The following ADAMTS17 variants were observed in gnomAD, a reference collection of about 807,000 sequenced individuals.
ADAMTS17 encodes the protein ADAM metallopeptidase with thrombospondin type 1 motif 17, also known as A disintegrin and metalloproteinase with thrombospondin motifs 17.
In ADAMTS17, 113 loss-of-function variants were observed where a neutral mutation model predicts 141.5. The ratio of observed to expected loss-of-function variants is 0.80; its 90% CI spans 0.69 to 0.93. The LOEUF (loss-of-function observed/expected upper bound fraction) is 0.93, where lower values mean the gene tolerates loss of function less well. ADAMTS17 is among the 40% of genes least tolerant of loss of function. The probability of loss-of-function intolerance (pLI) is 0.00; values close to 1 mark genes in which losing one functional copy is unlikely to be tolerated. For missense variants in ADAMTS17, 1,659 were observed against 1,517.9 expected, an observed-to-expected ratio of 1.09 and a Z score of -1.54; for synonymous variants, 768 against 630.6, an observed-to-expected ratio of 1.22 and a Z score of -3.27.
Position 100,254,179 on chromosome 15 carries a change from C to T in ADAMTS17, c.1032G>A (p.Arg344=). 6.2e-7 allele frequency: 1 copy of T among 1,613,244 alleles called. No individual in the cohort carries two copies. Among genetic ancestry groups the T allele is most frequent in the South Asian group, 1.1e-5 (1 of 91,050 alleles). The change falls in exon 7 of 22, where the codon AGG becomes AGA. Residue 344 remains arginine, a splice_region_variant and synonymous_variant. Coordinates refer to ENST00000268070, the MANE Select transcript of ADAMTS17 (RefSeq NM_139057.4). ...PLVDAAVFVT[R]TDFCVHKDEP... ...CATCCTTGTGTACACAGAAATCTGT[C>T]CTAAAAAATAAAAAAGCCATCATCA...
intron 10 of ADAMTS17, among the ~76,000 whole-genome samples, chr15:100,146,084 A>T (rs1695008985): frequency 6.6e-6 from 1 of 152,216 alleles, no homozygotes; most frequent in Non-Finnish European, 1.5e-5. Context: ...GAGACAGGAG[A>T]ATCACTTGAA....
intron 8 of ADAMTS17, among the ~76,000 whole-genome samples, chr15:100,167,182 T>C (rs1377613197): frequency 6.6e-6 from 1 of 152,222 alleles, no homozygotes; most frequent in African/African-American, 2.4e-5. Context: ...CCTGATTGGC[T>C]AACTTGAGGT....
intron 3 of ADAMTS17, among the ~76,000 whole-genome samples, chr15:100,298,206 T>C (rs530666841): frequency 1.2e-4 from 19 of 152,156 alleles, no homozygotes; most frequent in African/African-American, 4.6e-4. Context: ...AAGGGAAGAT[T>C]TCCTTGAAAT....
chr15:100,293,582 T>A (rs1206899917), intron 3 of ADAMTS17, among the ~76,000 whole-genome samples: 1 of 151,982 alleles, frequency 6.6e-6, no homozygotes, highest in African/African-American at 2.4e-5. Context: ...TGCCCCAGGA[T>A]CCCCCAGCCA....
In ADAMTS17 at chr15:99,977,777, C is replaced by T. The variant is rs149956351; in HGVS notation, c.2950-1555G>A. 2.0e-3 allele frequency among the ~76,000 whole-genome samples: 304 copies of T among 152,148 alleles called. 4 individuals are homozygous for T. The East Asian group carries it at 0.032, about 16-fold the overall frequency. On this transcript the variant is annotated intron_variant, in intron 20 of 21. Transcript: ENST00000268070. ...ACTGGCCAGGTATCTGAGTCCTCTA[C>T]TCAGATTCTGCTCTTGAGCTTTTCG...
intron 10 of ADAMTS17, among the ~76,000 whole-genome samples, chr15:100,147,893 C>T (rs560457325): frequency 2.0e-5 from 3 of 152,376 alleles, no homozygotes; most frequent in Admixed American, 2.0e-4. Flanking sequence ...TCTCACTGAG[C>T]TAAAGCCAAG....
At chr15:99,981,992 G>T (rs2060490651) in intron 20 of ADAMTS17, among the ~76,000 whole-genome samples, 1 of 152,230 alleles carries the variant, frequency 6.6e-6, no homozygotes, top group African/African-American at 2.4e-5. Flanking sequence ...GGGAAGGGGT[G>T]CCTGTTGGCA....
intron 3 of ADAMTS17, among the ~76,000 whole-genome samples, chr15:100,326,386 G>C (rs2045901973): frequency 6.6e-6 from 1 of 152,142 alleles, no homozygotes; most frequent in African/African-American, 2.4e-5. Context: ...GAGAGCTACG[G>C]TCTCAAAGAA....
intron 14 of ADAMTS17, 117 bp from the exon 15 acceptor site, chr15:100,096,593 G>T: frequency 7.7e-7 from 1 of 1,304,898 alleles, no homozygotes; most frequent in Non-Finnish European, 1.1e-6. Context: ...CTGGGGCCCT[G>T]ATCCATTCAG....
intron 16 of ADAMTS17, among the ~76,000 whole-genome samples, chr15:100,053,152 A>G (rs2141596637): frequency 6.6e-6 from 1 of 152,264 alleles, no homozygotes; most frequent in South Asian, 2.1e-4. Context: ...TTGGAAGGAG[A>G]CCCGGAATCG....
intron 3 of ADAMTS17, among the ~76,000 whole-genome samples, chr15:100,291,250 T>G (rs984399483): frequency 6.6e-6 from 1 of 152,206 alleles, no homozygotes; most frequent in Non-Finnish European, 1.5e-5. Flanking sequence ...GAAAAGTTAC[T>G]CAACATCACT....
chr15:100,323,057 A>ACT (rs1391764989), intron 3 of ADAMTS17, among the ~76,000 whole-genome samples: 7 of 138,092 alleles, frequency 5.1e-5, no homozygotes, highest in Non-Finnish European at 9.2e-5. Flanking sequence ...ACTGAACTCC[A>ACT]GCCCGGGAGA....
rs374992049 is a variant in ADAMTS17 at position 100,252,193 on chromosome 15, C to A, written c.1075+1943G>T. Among the ~76,000 whole-genome samples the A allele has an allele frequency of 3.2e-4, 48 of 152,172 alleles. 2 individuals are homozygous for A. ...AAAGCTTTTATATATTCAAAAGAAA[C>A]GGAAAGCTAGCCATAAATCCTATGG... is the stretch of plus-strand genomic sequence containing the variant. On this transcript the variant is annotated intron_variant, in intron 7 of 21. Coordinates refer to ENST00000268070, the MANE Select transcript of ADAMTS17 (RefSeq NM_139057.4).
intron 12 of ADAMTS17, among the ~76,000 whole-genome samples, chr15:100,127,520 C>T (rs550497387): frequency 1.3e-5 from 2 of 152,240 alleles, no homozygotes; most frequent in Admixed American, 6.5e-5. Context: ...CGTGGCCTGC[C>T]GCTGCCTCGT....
At chr15:100,087,380 T>G (rs2035177799) in intron 15 of ADAMTS17, among the ~76,000 whole-genome samples, 1 of 152,166 alleles carries the variant, frequency 6.6e-6, no homozygotes, top group Non-Finnish European at 1.5e-5. Context: ...CAGGACCAGA[T>G]GGATTCACAG....
chr15:100,016,136 A>G (rs1452809109), intron 18 of ADAMTS17, among the ~76,000 whole-genome samples: 1 of 152,190 alleles, frequency 6.6e-6, no homozygotes, highest in Non-Finnish European at 1.5e-5. Flanking sequence ...ACTTTCTTCT[A>G]CTAGTTCAAT....
intron 3 of ADAMTS17, chr15:100,306,029 T>C (rs1273913503): frequency 1.3e-5 from 2 of 158,900 alleles, no homozygotes; most frequent in Non-Finnish European, 2.8e-5. Context: ...CCACAGTTGA[T>C]GCACACCAAT....
At chr15:100,185,124 G>A (rs1175420893) in intron 8 of ADAMTS17, among the ~76,000 whole-genome samples, 1 of 152,180 alleles carries the variant, frequency 6.6e-6, no homozygotes, top group African/African-American at 2.4e-5. Context: ...TCAGCAGTGT[G>A]GACACTGAGA....
rs2141576926 is a variant in ADAMTS17, at chr15:100,048,881, C to T, written c.2567G>A (p.Cys856Tyr). Reference protein sequence around the residue: ...ASRPEPQVRRCNLHPCQSRWV... With the variant: ...ASRPEPQVRRYNLHPCQSRWV... ...CCGTGACTGGCAGGGGTGCAAGTTG[C>T]ACCTTCGGACCTGGGGCTCTGGGCG... Residue 856 changes from cysteine to tyrosine, a missense_variant, in exon 18 of 22, where the codon TGC (cysteine) becomes TAC (tyrosine). Physicochemically the swap from Cys to Tyr is radical, Grantham distance 194. Transcript: ENST00000268070. 6.2e-7 allele frequency: 1 copy of T among 1,614,192 alleles called. No homozygotes were observed. Among genetic ancestry groups the T allele is most frequent in the Non-Finnish European group, 8.5e-7 (1 of 1,180,036 alleles).
Sources: gnomAD v4.1 joint callset for allele counts (sites outside exome capture counted in the v4.1 genomes callset) on GRCh38, gnomAD v4.1.1 for gene constraint, MANE v1.5 for transcripts, NCBI Gene and HGNC (gene_info 2026-07-23, HGNC 2026-07-21) for gene names.